The following CLCN5 variants were observed in gnomAD, a reference collection of about 807,000 sequenced individuals.
The protein encoded by CLCN5 is H(+)/Cl(-) exchange transporter 5.
In CLCN5, 17 loss-of-function variants were observed where a neutral mutation model predicts 54.0. The observed-to-expected ratio is 0.31, with a 90% confidence interval of 0.22 to 0.47. The LOEUF (loss-of-function observed/expected upper bound fraction) is 0.47, where lower values mean the gene tolerates loss of function less well. Among genes scored for constraint, CLCN5 ranks in the 20% least tolerant of loss-of-function variants. The probability of loss-of-function intolerance (pLI) is 1.00; values close to 1 mark genes in which losing one functional copy is unlikely to be tolerated. For synonymous variants in CLCN5, 222 were observed against 233.0 expected, an observed-to-expected ratio of 0.95 and a Z score of 0.43; for missense variants, 448 against 646.7, an observed-to-expected ratio of 0.69 and a Z score of 3.33.
intron 9 of CLCN5, 61 bp from the exon 10 acceptor site, chrX:50,085,918 GT>G: frequency 1.1e-6 from 1 of 875,941 alleles, no homozygotes; most frequent in African/African-American, 1.9e-5. Context: ...TTCTAAAAAT[GT>G]GATTGAGTGA....
Position 50,019,160 on chromosome X carries a change from G to A in CLCN5, c.17-23156G>A, listed in dbSNP as rs183648498. Reference sequence around the variant, plus strand: ...ACATGATCTGTTTCTCCTTGCATGAGTTTTGGTAGATTGTGTATTTCAAGG... The same window carrying A: ...ACATGATCTGTTTCTCCTTGCATGAATTTTGGTAGATTGTGTATTTCAAGG... On this transcript the variant is annotated intron_variant, in intron 3 of 14. Transcript: ENST00000376091. Among the ~76,000 whole-genome samples, 439 of 111,542 alleles carry A rather than the reference G, an allele frequency of 3.9e-3. 5 individuals are homozygous for A. The highest frequency in any genetic ancestry group is 7.1e-3 in the Non-Finnish European group (374 of 53,048).
chrX:49,996,842 T>A (rs1929547607), intron 3 of CLCN5, among the ~76,000 whole-genome samples: 2 of 111,953 alleles, frequency 1.8e-5, no homozygotes, highest in South Asian at 7.5e-4. Context: ...TTATTCACCC[T>A]CTTCTCTCTG....
chrX:49,979,376 T>C (rs1282756992), intron 3 of CLCN5, among the ~76,000 whole-genome samples: 1 of 111,930 alleles, frequency 8.9e-6, no homozygotes, highest in Non-Finnish European at 1.9e-5. Flanking sequence ...ATTTGATCAC[T>C]GATCAATGAG....
At chrX:50,058,124 C>G (rs1173002231) in intron 4 of CLCN5, among the ~76,000 whole-genome samples, 1 of 111,651 alleles carries the variant, frequency 9.0e-6, no homozygotes, top group African/African-American at 3.2e-5. Context: ...CGCTGTAAAA[C>G]TGAAATACAT....
At chrX:49,927,632 G>A (rs781789391) in intron 3 of CLCN5, among the ~76,000 whole-genome samples, 1 of 112,137 alleles carries the variant, frequency 8.9e-6, no homozygotes, top group East Asian at 2.8e-4. Context: ...AATGGAGATA[G>A]TAATATAACT....
chrX:50,007,048 T>C (rs1344604098), intron 3 of CLCN5, among the ~76,000 whole-genome samples: 1 of 111,220 alleles, frequency 9.0e-6, no homozygotes, highest in Non-Finnish European at 1.9e-5. Flanking sequence ...ACTGATCAGG[T>C]AAGCAGTGGG....
chrX:50,037,640 C>T (rs1557186671), intron 3 of CLCN5, among the ~76,000 whole-genome samples: 1 of 111,008 alleles, frequency 9.0e-6, no homozygotes, highest in East Asian at 2.8e-4. Context: ...AGATAGGAGA[C>T]TGGTTATATA....
intron 3 of CLCN5, among the ~76,000 whole-genome samples, chrX:50,002,610 A>G (rs1366381056): frequency 9.2e-6 from 1 of 108,269 alleles, no homozygotes; most frequent in Non-Finnish European, 1.9e-5. Flanking sequence ...GACAAGTGCA[A>G]GTTCTCTTGC....
At chrX:50,051,637 C>T (rs1303464244) in intron 4 of CLCN5, among the ~76,000 whole-genome samples, 1 of 112,155 alleles carries the variant, frequency 8.9e-6, no homozygotes, top group African/African-American at 3.2e-5. Context: ...CTGAGTTTTA[C>T]ATCCCATGAA....
intron 3 of CLCN5, among the ~76,000 whole-genome samples, chrX:50,036,141 T>C (rs782396188): frequency 2.6e-4 from 29 of 111,912 alleles, no homozygotes; most frequent in Non-Finnish European, 5.3e-4. Context: ...TGGATTCAAA[T>C]CTCAACTCTA....
chrX:49,956,193 C>T (rs1927310577), intron 3 of CLCN5, among the ~76,000 whole-genome samples: 1 of 111,660 alleles, frequency 9.0e-6, no homozygotes, highest in Non-Finnish European at 1.9e-5. Context: ...TATTGTCTTA[C>T]CTTTGATCTA....
intron 6 of CLCN5, among the ~76,000 whole-genome samples, chrX:50,073,241 G>A (rs1177496371): frequency 8.9e-6 from 1 of 111,854 alleles, no homozygotes; most frequent in African/African-American, 3.3e-5. Flanking sequence ...AAGGACACTA[G>A]GTAGAGATGG....
At chrX:50,000,277 A>G (rs1485336108) in intron 3 of CLCN5, among the ~76,000 whole-genome samples, 1 of 109,421 alleles carries the variant, frequency 9.1e-6, no homozygotes, top group Non-Finnish European at 1.9e-5. Context: ...TGAGCCTTCT[A>G]TTGCTGCCAC....
rs1056826704 is a variant in CLCN5, at chrX:50,095,826, T to C, written c.*3607T>C. On this transcript the variant is annotated 3_prime_UTR_variant, in exon 15 of 15. Transcript: ENST00000376091. ...ATTATAGAAATTAACCACTGCTATA[T>C]GTTTTAAGTAGTTCAATCACCTGTT... is the stretch of plus-strand genomic sequence containing the variant. 8.9e-5 allele frequency: 10 copies of C among 112,647 alleles called. No homozygotes were observed. The highest frequency in any genetic ancestry group is 2.9e-4 in the African/African-American group (9 of 30,980). The allele number at this position is 112,647 out of a possible 1,213,427, so 9.3% of individuals were successfully genotyped here.
intron 3 of CLCN5, among the ~76,000 whole-genome samples, chrX:50,029,229 G>A (rs1193813209): frequency 2.7e-5 from 3 of 110,724 alleles, no homozygotes; most frequent in Non-Finnish European, 5.7e-5. Context: ...GTATACATGT[G>A]TCATGTTGGT....
intron 3 of CLCN5, among the ~76,000 whole-genome samples, chrX:49,994,457 A>G (rs1929412002): frequency 1.8e-5 from 2 of 111,158 alleles, no homozygotes; most frequent in Non-Finnish European, 3.8e-5. Context: ...ACTGTACCAT[A>G]TAATATAAGC....
chrX:49,989,943 C>T (rs1929172208), intron 3 of CLCN5, among the ~76,000 whole-genome samples: 1 of 111,400 alleles, frequency 9.0e-6, no homozygotes, highest in Admixed American at 9.5e-5. Context: ...TTAAGTGGTT[C>T]AGTCTGCACA....
rs1162822439 is a variant in CLCN5 at position 49,945,604 on chromosome X, GTTTTTTTTTTTT to G, written c.16+20302_16+20313del. On this transcript the variant is annotated intron_variant, in intron 3 of 14. Transcript: ENST00000376091. ...GGGCTCGCGCCACCACGCCCAGCTA[GTTTTTTTTTTTT>G]TTTTTTTTTTTGTATTTTTAGTAGA... 9.8e-5 allele frequency among the ~76,000 whole-genome samples: 7 copies of G among 71,139 alleles called. No individual in the cohort carries two copies. The East Asian group carries it at 1.9e-3, about 19-fold the overall frequency. The allele number at this position is 71,139 out of a possible 115,157, so 61.8% of individuals were successfully genotyped here. A position where few individuals can be genotyped will look rare whatever the true frequency, so the allele number is the denominator to read the frequency against.
intron 3 of CLCN5, among the ~76,000 whole-genome samples, chrX:50,002,681 C>CTGTGTGTGTGTGTG (rs60257335): frequency 2.1e-5 from 2 of 94,764 alleles, no homozygotes; most frequent in African/African-American, 8.4e-5. Flanking sequence ...CTCTCTCTCT[C>CTGTGTGTGTGTGTG]TGTGTGTGTG....
Sources: gnomAD v4.1 joint callset for allele counts (sites outside exome capture counted in the v4.1 genomes callset) on GRCh38, gnomAD v4.1.1 for gene constraint, MANE v1.5 for transcripts, NCBI Gene and HGNC (gene_info 2026-07-23, HGNC 2026-07-21) for gene names.